FBLN2: variants seen among roughly 807,000 people sequenced by gnomAD.
FBLN2 encodes fibulin 2.
A neutral mutation model predicts 123.7 loss-of-function variants in FBLN2; 81 were observed. That is an observed-to-expected ratio of 0.65 (90% CI 0.55 to 0.79). FBLN2 has a LOEUF of 0.79. Among genes scored for constraint, FBLN2 ranks in the 30% least tolerant of loss-of-function variants. The pLI, the probability that FBLN2 is intolerant of heterozygous loss-of-function variation, is 0.00. For synonymous variants in FBLN2, 699 were observed against 701.4 expected (o/e 1.00, Z 0.05); for missense variants, 1,603 against 1,681.3 (o/e 0.95, Z 0.81).
intron 8 of FBLN2, among the ~76,000 whole-genome samples, chr3:13,621,502 C>T (rs554505658): frequency 5.2e-4 from 79 of 152,268 alleles, no homozygotes; most frequent in African/African-American, 1.8e-3. Flanking sequence ...CGAGTGCGTA[C>T]GGGAGGCAGC....
intron 17 of FBLN2, 87 bp from the exon 18 acceptor site, chr3:13,637,475 C>A: frequency 7.9e-7 from 1 of 1,258,434 alleles, no homozygotes; most frequent in Non-Finnish European, 1.1e-6. Context: ...GCCCTTGATC[C>A]TGCCGCTGAG....
intron 1 of FBLN2, among the ~76,000 whole-genome samples, chr3:13,561,466 C>G (rs574208456): frequency 3.7e-4 from 56 of 150,568 alleles, no homozygotes; most frequent in Non-Finnish European, 7.2e-4. Context: ...CTGCTCACTT[C>G]CCAGCGACCA....
chr3:13,619,654 C>T, intron 7 of FBLN2, 76 bp from the exon 8 acceptor site: 1 of 1,243,146 alleles, frequency 8.0e-7, no homozygotes, highest in Non-Finnish European at 1.2e-6. Flanking sequence ...TAGGTTAGAG[C>T]CAGGGATGGG....
Position 13,571,005 on chromosome 3 carries a change from A to G in FBLN2, c.650A>G (p.Gln217Arg), listed in dbSNP as rs1332811792. The change falls in exon 2 of 18, where the codon CAG becomes CGG. Residue 217 changes from glutamine to arginine, a missense_variant. Transcript: ENST00000404922. ...EAATALGGEVQAGAVQAGAGG... is the reference protein window; with the variant it reads ...EAATALGGEVRAGAVQAGAGG... ...GCAACAGCCCTGGGGGGTGAGGTCC[A>G]GGCGGGTGCAGTCCAGGCAGGCGCA... 6.3e-7 allele frequency: 1 copy of G among 1,598,902 alleles called. No homozygotes were observed. The highest frequency in any genetic ancestry group is 2.3e-5 in the East Asian group (1 of 44,132).
At chr3:13,575,989 G>A (rs1369580632) in intron 2 of FBLN2, among the ~76,000 whole-genome samples, 3 of 152,110 alleles carry the variant, frequency 2.0e-5, no homozygotes, top group Admixed American at 6.5e-5. Context: ...AACAAGAGCC[G>A]GGCACCCAGG....
At chr3:13,619,897 G>C (rs866430288) in intron 8 of FBLN2, 66 bp downstream of exon 8, 28 of 1,319,724 alleles carry the variant, frequency 2.1e-5, no homozygotes, top group Non-Finnish European at 3.0e-5. Context: ...GGGCCTCCAG[G>C]TGGGGGTGGC....
chr3:13,563,530 T>TC (rs143125212), intron 1 of FBLN2, among the ~76,000 whole-genome samples: 2,175 of 152,236 alleles, frequency 0.014, 32 homozygotes, highest in South Asian at 0.035. Flanking sequence ...CTTGCCCAGC[T>TC]CCCCCTGGCT....
At chr3:13,603,075 TAATTTTTTTG>T (rs1318531398) in intron 2 of FBLN2, among the ~76,000 whole-genome samples, 39 of 151,744 alleles carry the variant, frequency 2.6e-4, no homozygotes, top group Non-Finnish European at 1.8e-4. Flanking sequence ...CAAGCCTGGC[TAATTTTTTTG>T]TATTTTTAGC....
rs1469804839 is a variant in FBLN2, at chr3:13,571,271, G to A, written c.916G>A (p.Gly306Arg). The A allele has an allele frequency of 2.5e-6, 4 of 1,570,520 alleles. No individual in the cohort carries two copies. The highest frequency in any genetic ancestry group is 2.4e-5 in the East Asian group (1 of 42,438). Residue 306 changes from glycine (G) to arginine (R), a missense_variant, in exon 2 of 18, where the codon GGG becomes AGG. Physicochemically the swap from Gly to Arg is moderately radical, Grantham distance 125 (BLOSUM62 -2). Transcript: ENST00000404922. ...AGCAGGTGGCCACAGGGGGCTGGAT[G>A]GGCTGCCCACTACAGCCCCAGCTGG... is the stretch of plus-strand genomic sequence containing the variant. ...LAAGGHRGLD[G>R]LPTTAPAGPS...
rs148929251 is a variant in FBLN2 at position 13,615,932 on chromosome 3, A to G, written c.1729+1768A>G. Among the ~76,000 whole-genome samples the G allele has an allele frequency of 1.6e-3, 249 of 152,318 alleles. 1 individual carries two copies. The highest frequency in any genetic ancestry group is 5.7e-3 in the African/African-American group (237 of 41,576). ...AATGCAAGATGGCAGAAGTCTGTGC[A>G]TAGGGGTTAAGATGCCTGCTGTCCA... On this transcript the variant is annotated intron_variant, in intron 5 of 17. Coordinates refer to ENST00000404922, the MANE Select transcript of FBLN2 (RefSeq NM_001004019.2).
intron 2 of FBLN2, among the ~76,000 whole-genome samples, chr3:13,603,236 GT>G (rs143770518): frequency 0.43 from 61,132 of 141,234 alleles, 12,609 homozygotes; most frequent in African/African-American, 0.45. Context: ...TTTTTTTTAA[GT>G]TTTTTTTTTT....
intron 2 of FBLN2, among the ~76,000 whole-genome samples, chr3:13,581,223 G>T (rs539708416): frequency 4.3e-4 from 62 of 144,792 alleles, no homozygotes; most frequent in African/African-American, 1.4e-3. Context: ...GGTGGGGGGT[G>T]GGGGGGAGGT....
At chr3:13,608,540 C>G (rs1173154957) in intron 3 of FBLN2, among the ~76,000 whole-genome samples, 2 of 152,222 alleles carry the variant, frequency 1.3e-5, no homozygotes, top group Non-Finnish European at 2.9e-5. Context: ...GCTTTCTCTC[C>G]TCTGCCCTCT....
At chr3:13,600,985 A>C (rs1009978638) in intron 2 of FBLN2, among the ~76,000 whole-genome samples, 1 of 152,206 alleles carries the variant, frequency 6.6e-6, no homozygotes, top group African/African-American at 2.4e-5. Flanking sequence ...TGATCACATC[A>C]GGGTGTTGAG....
chr3:13,583,017 G>T (rs1384854211), intron 2 of FBLN2, among the ~76,000 whole-genome samples: 1 of 152,286 alleles, frequency 6.6e-6, no homozygotes, highest in Admixed American at 6.5e-5. Context: ...GCAGCAGCGT[G>T]TTCCTCACTG....
At chr3:13,556,551 A>G (rs1462447797) in intron 1 of FBLN2, among the ~76,000 whole-genome samples, 1 of 152,190 alleles carries the variant, frequency 6.6e-6, no homozygotes, top group African/African-American at 2.4e-5. Context: ...TTCAGCCTGT[A>G]ACAGACTGGT....
Position 13,584,643 on chromosome 3 carries a change from C to T in FBLN2, c.1306+12982C>T, listed in dbSNP as rs891589287. Among the ~76,000 whole-genome samples, 5 of 152,306 alleles carry T rather than the reference C, an allele frequency of 3.3e-5. No homozygotes were observed. In the South Asian group the frequency reaches 1.0e-3, roughly 32 times the overall value. The stretch of plus-strand genomic sequence containing the variant: ...TATGGGGACCCCAGGATGCCACCCT[C>T]CAGGCCAGCCTCCCTCAAGAAAGAG... On this transcript the variant is annotated intron_variant, in intron 2 of 17. Coordinates refer to ENST00000404922, the MANE Select transcript of FBLN2 (RefSeq NM_001004019.2).
At position 13,637,689 on chromosome 3, in the gene FBLN2, G is replaced by T. The variant is rs1272556761; in HGVS notation, c.3466G>T (p.Ala1156Ser). ...VPAHIFRIGP[A>S]PAFTGDTIAL... ...TGCGCATATCTTCCGCATTGGCCCCGCGCCAGCCTTCACGGGGGACACCAT... is the reference window on the plus strand; with the variant it reads ...TGCGCATATCTTCCGCATTGGCCCCTCGCCAGCCTTCACGGGGGACACCAT... The change falls in exon 18 of 18, where the codon GCG (alanine) becomes TCG (serine). Residue 1156 changes from alanine to serine, a missense_variant. By Grantham distance (99) the Ala-to-Ser change is moderately conservative. Transcript: ENST00000404922. The T allele has an allele frequency of 3.1e-6, 5 of 1,613,968 alleles. No individual in the cohort carries two copies. Among genetic ancestry groups the T allele is most frequent in the Non-Finnish European group, 1.7e-6 (2 of 1,179,880 alleles).
At chr3:13,596,992 C>T (rs1704864882) in intron 2 of FBLN2, among the ~76,000 whole-genome samples, 1 of 151,848 alleles carries the variant, frequency 6.6e-6, no homozygotes, top group African/African-American at 2.4e-5. Flanking sequence ...AGTGCGGTGG[C>T]ACGATCATAG....
Sources: allele counts gnomAD v4.1 joint callset (sites outside exome capture counted in the v4.1 genomes callset), GRCh38; gene constraint gnomAD v4.1.1; transcripts MANE v1.5; gene names NCBI Gene and HGNC (gene_info 2026-07-23, HGNC 2026-07-21).